Variants in RARB observed in about 807,000 individuals in gnomAD.
RARB encodes retinoic acid receptor beta.
RARB carries 17 observed loss-of-function variants against 51.9 expected under a neutral mutation model. That is an observed-to-expected ratio of 0.33 (90% CI 0.22 to 0.49). The LOEUF (loss-of-function observed/expected upper bound fraction) is 0.49. Ranked by LOEUF, RARB falls within the 20% of genes least tolerant of loss-of-function variation. The pLI is 0.99. For synonymous variants in RARB, 215 were observed against 195.4 expected (o/e 1.10, Z -0.84); for missense variants, 369 against 550.8 (o/e 0.67, Z 3.30).
intron 5 of RARB, among the ~76,000 whole-genome samples, chr3:25,415,271 C>T (rs1354734664): frequency 6.6e-6 from 1 of 151,964 alleles, no homozygotes; most frequent in Non-Finnish European, 1.5e-5. Flanking sequence ...AAATCATTGC[C>T]TGATGCAAGA....
chr3:24,955,552 C>G (rs187308165), intron 2 of RARB, among the ~76,000 whole-genome samples: 1 of 152,202 alleles, frequency 6.6e-6, no homozygotes, highest in Non-Finnish European at 1.5e-5. Context: ...AAAGTTTCCC[C>G]TTTGTCCTCT....
Position 25,393,841 on chromosome 3 carries a change from G to A in RARB, c.179-67352G>A, listed in dbSNP as rs574548496. Among the ~76,000 whole-genome samples, 37 of 151,800 alleles carry A rather than the reference G, an allele frequency of 2.4e-4. No homozygotes were observed. The South Asian group carries it at 7.7e-3, about 32-fold the overall frequency. On this transcript the variant is annotated intron_variant, in intron 5 of 11. Transcript: ENST00000383772. ...ATCTCCCTAATGGTCTATGAATTTT[G>A]TTTATCTTTTCAAAGAACTAGCTTT... is the stretch of plus-strand genomic sequence containing the variant.
chr3:25,381,132 A>G (rs370469532), intron 5 of RARB, among the ~76,000 whole-genome samples: 36 of 152,316 alleles, frequency 2.4e-4, no homozygotes, highest in East Asian at 7.7e-4. Flanking sequence ...ATGACAGGGT[A>G]TAGGCAAATG....
At chr3:24,939,230 T>C (rs1695608350) in intron 2 of RARB, among the ~76,000 whole-genome samples, 2 of 152,142 alleles carry the variant, frequency 1.3e-5, no homozygotes, top group Admixed American at 1.3e-4. Flanking sequence ...GTGATCTGAA[T>C]GGGTGTTTAA....
intron 4 of RARB, among the ~76,000 whole-genome samples, chr3:25,154,814 C>T (rs73050336): frequency 0.085 from 12,868 of 152,234 alleles, 713 homozygotes; most frequent in Non-Finnish European, 0.13. Context: ...AGGTGTGCAT[C>T]CTGTGTGCTT....
At chr3:24,991,728 C>G (rs528015025) in intron 2 of RARB, among the ~76,000 whole-genome samples, 14 of 151,250 alleles carry the variant, frequency 9.3e-5, no homozygotes, top group Non-Finnish European at 1.3e-4. Flanking sequence ...TCATCAAATG[C>G]TTTTGCTGCA....
intron 2 of RARB, among the ~76,000 whole-genome samples, chr3:24,992,561 A>G (rs946578123): frequency 1.3e-5 from 2 of 152,218 alleles, no homozygotes; most frequent in African/African-American, 4.8e-5. Context: ...CATACAAACT[A>G]CCAGAGTCTG....
intron 2 of RARB, among the ~76,000 whole-genome samples, chr3:24,948,532 G>A (rs935358191): frequency 3.3e-5 from 5 of 152,202 alleles, no homozygotes; most frequent in Non-Finnish European, 7.3e-5. Context: ...GACAATTGAA[G>A]AGGTAAAAAT....
intron 2 of RARB, among the ~76,000 whole-genome samples, chr3:24,933,012 TAAATA>T (rs1695473090): frequency 6.6e-6 from 1 of 152,122 alleles, no homozygotes; most frequent in African/African-American, 2.4e-5. Flanking sequence ...TCAGAAAATT[TAAATA>T]AAATGTAACC....
chr3:24,915,549 T>C (rs1286057844), intron 2 of RARB, among the ~76,000 whole-genome samples: 1 of 152,230 alleles, frequency 6.6e-6, no homozygotes. Context: ...AAATCATGCC[T>C]GATCCATTGG....
At chr3:24,979,420 C>T (rs1390342994) in intron 2 of RARB, among the ~76,000 whole-genome samples, 2 of 152,060 alleles carry the variant, frequency 1.3e-5, no homozygotes, top group Non-Finnish European at 2.9e-5. Context: ...TCCGGATGCT[C>T]TTGTATTACA....
intron 2 of RARB, among the ~76,000 whole-genome samples, chr3:25,037,451 A>G (rs899777540): frequency 1.2e-4 from 19 of 152,074 alleles, no homozygotes; most frequent in African/African-American, 2.9e-4. Flanking sequence ...TCACACTGCA[A>G]TGAGAGATAA....
chr3:25,216,895 T>C (rs375598254), intron 5 of RARB, among the ~76,000 whole-genome samples: 3 of 152,278 alleles, frequency 2.0e-5, no homozygotes, highest in African/African-American at 7.2e-5. Flanking sequence ...GAGATTTTGC[T>C]GATTTCATTC....
chr3:25,033,606 A>G (rs1486772157), intron 2 of RARB, among the ~76,000 whole-genome samples: 1 of 152,178 alleles, frequency 6.6e-6, no homozygotes, highest in Non-Finnish European at 1.5e-5. Flanking sequence ...GTCAACAGTC[A>G]AGAAGAGCTC....
intron 2 of RARB, among the ~76,000 whole-genome samples, chr3:24,969,482 G>C (rs531604372): frequency 6.6e-6 from 1 of 152,070 alleles, no homozygotes; most frequent in Non-Finnish European, 1.5e-5. Flanking sequence ...TAGGCCAGCC[G>C]TTGTTTTTCT....
chr3:25,337,488 C>T (rs935829275), intron 5 of RARB, among the ~76,000 whole-genome samples: 2 of 152,154 alleles, frequency 1.3e-5, no homozygotes, highest in African/African-American at 4.8e-5. Context: ...CATTTGCACC[C>T]TCATTCATTC....
At chr3:25,224,933 C>T (rs762916369) in intron 5 of RARB, among the ~76,000 whole-genome samples, 12 of 152,090 alleles carry the variant, frequency 7.9e-5, no homozygotes, top group Non-Finnish European at 8.8e-5. Context: ...ACCTAAGCAG[C>T]TTAACGTTCA....
intron 5 of RARB, among the ~76,000 whole-genome samples, chr3:25,410,802 C>T (rs903680248): frequency 1.3e-5 from 2 of 152,232 alleles, no homozygotes; most frequent in African/African-American, 4.8e-5. Flanking sequence ...AATCAGCAAA[C>T]ACTGCATATC....
chr3:24,882,959 C>T (rs1575052427), intron 2 of RARB, among the ~76,000 whole-genome samples: 1 of 152,178 alleles, frequency 6.6e-6, no homozygotes, highest in Middle Eastern at 3.4e-3. Flanking sequence ...TATTTATTCT[C>T]TTCTGATGGG....
Sources: gnomAD v4.1 joint callset for allele counts (sites outside exome capture counted in the v4.1 genomes callset) on GRCh38, gnomAD v4.1.1 for gene constraint, MANE v1.5 for transcripts, NCBI Gene and HGNC (gene_info 2026-07-23, HGNC 2026-07-21) for gene names.